The following CSMD1 variants were observed in gnomAD, a reference collection of about 807,000 sequenced individuals.
CSMD1 encodes CUB and sushi domain-containing protein 1.
A neutral mutation model predicts 417.5 loss-of-function variants in CSMD1; 213 were observed. That is an observed-to-expected ratio of 0.51 (90% CI 0.46 to 0.57). CSMD1 has a LOEUF of 0.57. Among genes scored for constraint, CSMD1 ranks in the 20% least tolerant of loss-of-function variants. The probability of loss-of-function intolerance (pLI) is 0.00; values close to 1 mark genes in which losing one functional copy is unlikely to be tolerated. For missense variants in CSMD1, 6,923 were observed against 4,529.7 expected, an observed-to-expected ratio of 1.53 and a Z score of -15.17; for synonymous variants, 2,862 against 1,736.8, an observed-to-expected ratio of 1.65 and a Z score of -16.11.
intron 23 of CSMD1, among the ~76,000 whole-genome samples, chr8:3,339,457 G>A (rs986844989): frequency 3.3e-5 from 5 of 152,128 alleles, no homozygotes; most frequent in African/African-American, 1.2e-4. Flanking sequence ...GATTTGGTAG[G>A]CTCAGAATTC....
chr8:3,367,405 T>C (rs1027979177), intron 19 of CSMD1, among the ~76,000 whole-genome samples, 158 bp from the exon 20 acceptor site: 7 of 149,684 alleles, frequency 4.7e-5, no homozygotes, highest in Admixed American at 1.3e-4. Context: ...CAGAGAGTAA[T>C]AGCCACAGAG....
chr8:3,981,702 T>G (rs771045924), intron 5 of CSMD1, among the ~76,000 whole-genome samples: 1 of 152,108 alleles, frequency 6.6e-6, no homozygotes, highest in Non-Finnish European at 1.5e-5. Context: ...AGAAAGGCTC[T>G]TTTGTATTTG....
rs893531999 is a variant in CSMD1, at chr8:2,955,603, G to T, written c.9980C>A (p.Ser3327Ter). ...CAATGACTTACTTTTACACACAGGC[G>T]ACTTTCCTGTCCATTTCATGTCTGC... ...CKADMKWTGKSPVCKSKGVRE... is the reference protein window; with the variant it reads ...CKADMKWTGK Residue 3327 changes from serine to a stop codon, truncating the protein, a stop_gained, in exon 64 of 70, where the codon TCG (serine) becomes TAG (stop). Transcript: ENST00000635120. LOFTEE classifies it high-confidence loss of function. The T allele has an allele frequency of 1.2e-6, 2 of 1,613,518 alleles. No individual in the cohort carries two copies. The highest frequency in any genetic ancestry group is 1.7e-5 in the Admixed American group (1 of 59,974).
rs115774414 is a variant in CSMD1, at chr8:4,498,148, G to A, written c.303-78083C>T. On this transcript the variant is annotated intron_variant, in intron 2 of 69. Transcript: ENST00000635120. ...TTGTGGGACTTAAAGTAACCTAATC[G>A]GGGAGGGACACGCAGTTATCTTTCT... is the stretch of plus-strand genomic sequence containing the variant. 3.2e-3 allele frequency among the ~76,000 whole-genome samples: 493 copies of A among 152,164 alleles called. 3 individuals carry two copies. Among genetic ancestry groups the A allele is most frequent in the African/African-American group, 0.011 (465 of 41,506 alleles).
chr8:4,183,729 A>G (rs909908625), intron 3 of CSMD1, among the ~76,000 whole-genome samples: 2 of 152,244 alleles, frequency 1.3e-5, no homozygotes, highest in Non-Finnish European at 2.9e-5. Flanking sequence ...ATAATATATC[A>G]TTTTAAAAGA....
chr8:4,213,523 G>T (rs1207954456), intron 3 of CSMD1, among the ~76,000 whole-genome samples: 2 of 152,226 alleles, frequency 1.3e-5, no homozygotes, highest in African/African-American at 2.4e-5. Flanking sequence ...GTGCGTTAAT[G>T]TAGAAATGAC....
chr8:4,008,904 C>A (rs1816342015), intron 4 of CSMD1, among the ~76,000 whole-genome samples: 1 of 152,090 alleles, frequency 6.6e-6, no homozygotes, highest in South Asian at 2.1e-4. Flanking sequence ...GCCACCGCGC[C>A]CAGTCTGATT....
intron 2 of CSMD1, among the ~76,000 whole-genome samples, chr8:4,447,301 T>A (rs1318659555): frequency 6.6e-6 from 1 of 152,194 alleles, no homozygotes; most frequent in Admixed American, 6.5e-5. Flanking sequence ...CAGACCGTGA[T>A]CATTATTATT....
intron 1 of CSMD1, among the ~76,000 whole-genome samples, chr8:4,926,617 G>C (rs1266816783): frequency 6.6e-6 from 1 of 152,192 alleles, no homozygotes; most frequent in Non-Finnish European, 1.5e-5. Flanking sequence ...TAAAAAGCAT[G>C]TATATAGTTC....
At chr8:3,992,344 A>G (rs2130293036) in intron 5 of CSMD1, among the ~76,000 whole-genome samples, 1 of 152,264 alleles carries the variant, frequency 6.6e-6, no homozygotes, top group South Asian at 2.1e-4. Flanking sequence ...CAGTTTTGTA[A>G]TCTTATTTTG....
intron 3 of CSMD1, among the ~76,000 whole-genome samples, chr8:4,224,699 A>G (rs1485807307): frequency 1.3e-5 from 2 of 152,232 alleles, no homozygotes; most frequent in Non-Finnish European, 2.9e-5. Context: ...ATGGAGATGA[A>G]TTACTAATAT....
At chr8:4,678,809 T>G (rs1375231842) in intron 1 of CSMD1, among the ~76,000 whole-genome samples, 1 of 152,234 alleles carries the variant, frequency 6.6e-6, no homozygotes, top group African/African-American at 2.4e-5. Flanking sequence ...AACCTGTATG[T>G]AGCAAGGGTG....
chr8:4,528,745 T>A (rs989054035), intron 2 of CSMD1, among the ~76,000 whole-genome samples: 1 of 152,060 alleles, frequency 6.6e-6, no homozygotes, highest in African/African-American at 2.4e-5. Flanking sequence ...TTAAGTAAGA[T>A]GAGAATGCTG....
intron 3 of CSMD1, among the ~76,000 whole-genome samples, chr8:4,124,314 C>A (rs1802644815): frequency 6.6e-6 from 1 of 152,104 alleles, no homozygotes; most frequent in African/African-American, 2.4e-5. Context: ...TCCACAGGAT[C>A]CTCTATCAAG....
intron 5 of CSMD1, among the ~76,000 whole-genome samples, chr8:3,798,326 C>G (rs1800272831): frequency 6.6e-6 from 1 of 152,014 alleles, no homozygotes; most frequent in Admixed American, 6.6e-5. Context: ...CTTAAGACAA[C>G]TCAGTATATC....
At chr8:3,003,590 T>G (rs1807603775) in intron 52 of CSMD1, among the ~76,000 whole-genome samples, 1 of 152,204 alleles carries the variant, frequency 6.6e-6, no homozygotes, top group South Asian at 2.1e-4. Context: ...GACAATAATT[T>G]CATGATGATT....
chr8:3,282,499 A>T (rs1291353006), intron 26 of CSMD1, among the ~76,000 whole-genome samples: 1 of 152,192 alleles, frequency 6.6e-6, no homozygotes, highest in Non-Finnish European at 1.5e-5. Flanking sequence ...CAATTCTACC[A>T]TCTGCTCTTG....
chr8:4,851,241 T>G (rs1411388399), intron 1 of CSMD1, among the ~76,000 whole-genome samples: 1 of 152,016 alleles, frequency 6.6e-6, no homozygotes, highest in African/African-American at 2.4e-5. Context: ...AATGATGGTT[T>G]CCAGCTTCAT....
In CSMD1 at chr8:3,574,900, G is replaced by C. The variant is rs1333420911; in HGVS notation, c.1344+45C>G. ...TTTGCTTCAACAATAGATCCTATAA[G>C]AGTGCTGTGTGCATTAACCACAGGG... On this transcript the variant is annotated intron_variant, in intron 10 of 69. Coordinates refer to ENST00000635120, the MANE Select transcript of CSMD1 (RefSeq NM_033225.6). 13 of 1,601,006 alleles carry C rather than the reference G, an allele frequency of 8.1e-6. No homozygotes were observed. The African/African-American group carries it at 1.2e-4, about 15-fold the overall frequency.
Sources: gnomAD v4.1 joint callset for allele counts (sites outside exome capture counted in the v4.1 genomes callset) on GRCh38, gnomAD v4.1.1 for gene constraint, MANE v1.5 for transcripts, NCBI Gene and HGNC (gene_info 2026-07-23, HGNC 2026-07-21) for gene names.